DOK6: variants seen among roughly 807,000 people sequenced by gnomAD.
DOK6 encodes the protein docking protein 6.
Under a neutral mutation model 44.0 loss-of-function variants are expected in DOK6, and 22 were observed. That is an observed-to-expected ratio of 0.50 (90% CI 0.36 to 0.71). DOK6 has a LOEUF of 0.71. Ranked by LOEUF, DOK6 falls within the 30% of genes least tolerant of loss-of-function variation. The pLI, the probability that DOK6 is intolerant of heterozygous loss-of-function variation, is 0.00. For synonymous variants in DOK6, 166 were observed against 145.5 expected, an observed-to-expected ratio of 1.14 and a Z score of -1.01; for missense variants, 340 against 416.4, an observed-to-expected ratio of 0.82 and a Z score of 1.60.
chr18:69,550,743 TTTTA>T (rs1207722020), intron 1 of DOK6, among the ~76,000 whole-genome samples: 13 of 151,544 alleles, frequency 8.6e-5, no homozygotes, highest in South Asian at 4.2e-4. Context: ...TCTTAAGTTT[TTTTA>T]TTTGTTTGTT....
At chr18:69,825,159 G>A (rs952758491) in intron 7 of DOK6, among the ~76,000 whole-genome samples, 10 of 152,060 alleles carry the variant, frequency 6.6e-5, no homozygotes, top group Admixed American at 3.3e-4. Context: ...TTGTGTGCAG[G>A]CTTAGAGACA....
At chr18:69,811,571 TATATATCAAA>T (rs1981236968) in intron 7 of DOK6, among the ~76,000 whole-genome samples, 1 of 15,116 alleles carries the variant, frequency 6.6e-5, no homozygotes, top group Admixed American at 1.3e-3. Flanking sequence ...TATATATATA[TATATATCAAA>T]ACACTACGTT....
At chr18:69,811,463 TA>T (rs558519854) in intron 7 of DOK6, among the ~76,000 whole-genome samples, 71 of 148,622 alleles carry the variant, frequency 4.8e-4, no homozygotes, top group Admixed American at 8.1e-4. Flanking sequence ...TCTGTCTCTA[TA>T]AAAAAATGTT....
chr18:69,527,360 C>T (rs1387200316), intron 1 of DOK6, among the ~76,000 whole-genome samples: 1 of 152,170 alleles, frequency 6.6e-6, no homozygotes, highest in Admixed American at 6.5e-5. Context: ...AGGAAACTTA[C>T]AATCATAGCA....
At chr18:69,781,872 G>T (rs1980278433) in intron 7 of DOK6, among the ~76,000 whole-genome samples, 2 of 152,024 alleles carry the variant, frequency 1.3e-5, no homozygotes, top group Non-Finnish European at 2.9e-5. Flanking sequence ...AGAAAACTTT[G>T]TTATGGTTAT....
intron 7 of DOK6, among the ~76,000 whole-genome samples, chr18:69,796,461 C>CT (rs1464161893): frequency 6.6e-6 from 1 of 152,144 alleles, no homozygotes; most frequent in Non-Finnish European, 1.5e-5. Flanking sequence ...TCTTTGCCAG[C>CT]CTTCTAAGAA....
chr18:69,529,472 T>G (rs1386836425), intron 1 of DOK6, among the ~76,000 whole-genome samples: 1 of 152,218 alleles, frequency 6.6e-6, no homozygotes, highest in Non-Finnish European at 1.5e-5. Context: ...TATTTGTGCA[T>G]TTAATGTTTA....
chr18:69,507,115 C>A (rs1185980229), intron 1 of DOK6, among the ~76,000 whole-genome samples: 1 of 151,976 alleles, frequency 6.6e-6, no homozygotes, highest in East Asian at 1.9e-4. Context: ...GCAAACTCCA[C>A]CTCCCGGGTT....
At chr18:69,746,232 A>G (rs970941723) in intron 6 of DOK6, among the ~76,000 whole-genome samples, 1 of 152,138 alleles carries the variant, frequency 6.6e-6, no homozygotes, top group African/African-American at 2.4e-5. Flanking sequence ...TCCTGAAAGT[A>G]TTTTGGTCCA....
At chr18:69,750,957 A>C (rs1218010430) in intron 6 of DOK6, among the ~76,000 whole-genome samples, 1 of 152,276 alleles carries the variant, frequency 6.6e-6, no homozygotes, top group African/African-American at 2.4e-5. Flanking sequence ...CATTTGCAGC[A>C]ACATAGATGG....
At chr18:69,785,090 C>T (rs953278212) in intron 7 of DOK6, among the ~76,000 whole-genome samples, 4 of 152,162 alleles carry the variant, frequency 2.6e-5, no homozygotes, top group Non-Finnish European at 4.4e-5. Context: ...CCCATTATTG[C>T]TGTCATATAG....
chr18:69,780,532 T>C (rs1490131088), intron 7 of DOK6, among the ~76,000 whole-genome samples: 1 of 152,160 alleles, frequency 6.6e-6, no homozygotes, highest in Non-Finnish European at 1.5e-5. Context: ...ATGGAGGTTG[T>C]AGTGAGCAGA....
chr18:69,490,957 CAGA>C (rs1467006165), intron 1 of DOK6, among the ~76,000 whole-genome samples: 20 of 152,240 alleles, frequency 1.3e-4, no homozygotes, highest in African/African-American at 4.3e-4. Flanking sequence ...TGAATGCCCT[CAGA>C]AGGCCGCAGT....
intron 1 of DOK6, among the ~76,000 whole-genome samples, chr18:69,554,560 T>A (rs111704241): frequency 3.3e-5 from 5 of 152,322 alleles, no homozygotes; most frequent in African/African-American, 1.2e-4. Flanking sequence ...TATACATCAA[T>A]CACAACTTCT....
chr18:69,563,809 A>G (rs1982902392), intron 1 of DOK6, among the ~76,000 whole-genome samples: 1 of 152,164 alleles, frequency 6.6e-6, no homozygotes, highest in Non-Finnish European at 1.5e-5. Flanking sequence ...AATAAAAAAA[A>G]AAAGATTCAG....
At chr18:69,587,171 C>T (rs1983522808) in intron 2 of DOK6, among the ~76,000 whole-genome samples, 2 of 152,132 alleles carry the variant, frequency 1.3e-5, no homozygotes, top group Admixed American at 6.6e-5. Context: ...TTACCAAAAA[C>T]TTGGTGGCTT....
At chr18:69,741,873 T>C (rs1410989661) in intron 6 of DOK6, among the ~76,000 whole-genome samples, 1 of 152,098 alleles carries the variant, frequency 6.6e-6, no homozygotes, top group Non-Finnish European at 1.5e-5. Context: ...ATTTACTATT[T>C]AAAATAACAA....
intron 5 of DOK6, among the ~76,000 whole-genome samples, chr18:69,730,292 T>C (rs983877380): frequency 1.3e-5 from 2 of 152,220 alleles, no homozygotes; most frequent in African/African-American, 4.8e-5. Flanking sequence ...TATCTACTTG[T>C]ATTTTCAGGG....
intron 1 of DOK6, among the ~76,000 whole-genome samples, chr18:69,458,134 G>A (rs1038568357): frequency 7.2e-5 from 11 of 152,008 alleles, no homozygotes; most frequent in Non-Finnish European, 1.6e-4. Flanking sequence ...CTCCAGCCTG[G>A]GCAACAAGAG....
Sources: gnomAD v4.1 joint callset for allele counts (sites outside exome capture counted in the v4.1 genomes callset) on GRCh38, gnomAD v4.1.1 for gene constraint, MANE v1.5 for transcripts, NCBI Gene and HGNC (gene_info 2026-07-23, HGNC 2026-07-21) for gene names.